Variants in ITGA11 observed in about 807,000 individuals in gnomAD.
The protein encoded by ITGA11 is integrin subunit alpha 11, also known as integrin alpha-11.
Under a neutral mutation model 141.9 loss-of-function variants are expected in ITGA11, and 97 were observed. That is an observed-to-expected ratio of 0.68 (90% confidence interval 0.58 to 0.81). ITGA11 has a LOEUF of 0.81. ITGA11 is among the 30% of genes least tolerant of loss of function. ITGA11 has a pLI of 0.00. For missense variants in ITGA11, 1,387 were observed against 1,559.2 expected (o/e 0.89, Z 1.86); for synonymous variants, 658 against 624.6 (o/e 1.05, Z -0.80).
chr15:68,328,389 G>A lies in ITGA11; in HGVS notation c.1902-127C>T. The A allele has an allele frequency of 1.8e-6, 1 of 562,664 alleles. No individual in the cohort carries two copies. The highest frequency in any genetic ancestry group is 1.8e-5 in the South Asian group (1 of 54,170). 34.9% of individuals were successfully genotyped at this position (562,664 alleles called of 1,614,324 possible). A position where few individuals can be genotyped will look rare whatever the true frequency, so the allele number is the denominator to read the frequency against. The stretch of plus-strand genomic sequence containing the variant: ...AGCCACTGGAGGGGGTGAGGTGGAG[G>A]ATGGAGGGGGCGAGGTGGAGGATGG... On this transcript the variant is annotated intron_variant, in intron 15 of 29. Transcript: ENST00000315757. The surrounding 1 kb of genome is among the most constrained non-coding windows in gnomAD (Gnocchi z 4.8).
In ITGA11 at chr15:68,311,011, G is replaced by A. The variant is rs199548438; in HGVS notation, c.3157C>T (p.Arg1053Cys). 7.0e-5 allele frequency: 112 copies of A among 1,604,244 alleles called. No individual in the cohort carries two copies. The East Asian group carries it at 2.2e-3, about 32-fold the overall frequency. ...YRPTPVEEDL[R>C]RAPQLNHSNS... ...ACACTCACCAGCTGTGGAGCACGAC[G>A]CAAGTCTTCCTCCACTGGGGTGGGC... Residue 1053 changes from arginine to cysteine, a missense_variant, in exon 26 of 30, where the codon CGT (arginine) becomes TGT (cysteine). Transcript: ENST00000315757.
At chr15:68,385,337 G>A (rs2140382642) in intron 2 of ITGA11, among the ~76,000 whole-genome samples, 1 of 152,362 alleles carries the variant, frequency 6.6e-6, no homozygotes, top group Non-Finnish European at 1.5e-5. Context: ...ATGCCTGTGG[G>A]AAAGGACTGC....
At chr15:68,392,506 G>A (rs1896145483) in intron 2 of ITGA11, among the ~76,000 whole-genome samples, 1 of 152,196 alleles carries the variant, frequency 6.6e-6, no homozygotes. Context: ...TAGGATTTGG[G>A]AAGGGCAGCA....
chr15:68,365,021 G>T, intron 3 of ITGA11: 1 of 537,020 alleles, frequency 1.9e-6, no homozygotes, highest in Non-Finnish European at 2.4e-6. Context: ...CAAACAACCT[G>T]CCCAAGGTCA....
Position 68,348,919 on chromosome 15 carries a change from G to C in ITGA11, c.1061-19C>G. ...TTGGTGCCTGCAACAGAGTGACAGA[G>C]AGATGTCAGCTCCATGCCCAATCCC... is the stretch of plus-strand genomic sequence containing the variant. On this transcript the variant is annotated intron_variant, in intron 9 of 29. Coordinates refer to ENST00000315757, the MANE Select transcript of ITGA11 (RefSeq NM_001004439.2). 1 of 1,594,478 alleles carries C rather than the reference G, an allele frequency of 6.3e-7. No individual in the cohort carries two copies.
intron 1 of ITGA11, among the ~76,000 whole-genome samples, chr15:68,425,424 C>A (rs1489356122): frequency 6.6e-6 from 1 of 152,212 alleles, no homozygotes; most frequent in Non-Finnish European, 1.5e-5. Flanking sequence ...TCAGAGAACC[C>A]TGTCTACAAA....
chr15:68,352,390 G>C (rs1275102262), intron 7 of ITGA11, among the ~76,000 whole-genome samples: 1 of 151,936 alleles, frequency 6.6e-6, no homozygotes, highest in African/African-American at 2.4e-5. Flanking sequence ...ACGGGGTTTT[G>C]CCATGTTGGC....
At position 68,325,244 on chromosome 15, in the gene ITGA11, G is replaced by C. The variant is rs760900276; in HGVS notation, c.2212-3C>G. The C allele has an allele frequency of 1.9e-6, 3 of 1,601,762 alleles. No individual in the cohort carries two copies. Among genetic ancestry groups the C allele is most frequent in the African/African-American group, 1.3e-5 (1 of 74,678 alleles). On this transcript the variant is annotated splice_region_variant and splice_polypyrimidine_tract_variant and intron_variant, in intron 17 of 29. Transcript: ENST00000315757. This position sits in a 1 kb window ranked among gnomAD's most constrained non-coding sequence, Gnocchi z 5.5. ...GGCTTCACGTAGTCAGCAGTGTCCTGGGGGGTGGAGATGAGGGCAGCGGTG... is the reference window on the plus strand; with the variant it reads ...GGCTTCACGTAGTCAGCAGTGTCCTCGGGGGTGGAGATGAGGGCAGCGGTG...
At position 68,361,608 on chromosome 15, in the gene ITGA11, C is replaced by T. The variant is rs148886354; in HGVS notation, c.454G>A (p.Val152Met). The T allele has an allele frequency of 1.7e-3, 2,805 of 1,606,332 alleles. 9 individuals carry two copies. Among genetic ancestry groups the T allele is most frequent in the Middle Eastern group, 3.3e-3 (20 of 6,050 alleles). ...CACTTACTTTGGAGAGCTGGGGCCA[C>T]GGTCTTGGAGAACCTGAAGTTGGAG... ...VNSNFRFSKT[V>M]APALQRCQTY... The change falls in exon 5 of 30, where the codon GTG becomes ATG. Residue 152 changes from valine to methionine, a missense_variant. Coordinates refer to ENST00000315757, the MANE Select transcript of ITGA11 (RefSeq NM_001004439.2).
chr15:68,349,398 A>G (rs187387730), intron 9 of ITGA11, among the ~76,000 whole-genome samples: 1 of 152,226 alleles, frequency 6.6e-6, no homozygotes, highest in Admixed American at 6.5e-5. Context: ...AAGAAATCCC[A>G]TGAGTGCTGA....
intron 5 of ITGA11, among the ~76,000 whole-genome samples, chr15:68,361,033 T>A (rs182820242): frequency 2.0e-5 from 3 of 152,190 alleles, no homozygotes; most frequent in Admixed American, 1.3e-4. Context: ...GAGCAGTAAT[T>A]CCCCAGGTTT....
intron 2 of ITGA11, among the ~76,000 whole-genome samples, chr15:68,391,319 C>T (rs1330909321): frequency 6.6e-6 from 1 of 152,220 alleles, no homozygotes; most frequent in African/African-American, 2.4e-5. Flanking sequence ...CCATTTCTCT[C>T]CCACAATGCT....
At chr15:68,372,711 C>T (rs2140365416) in intron 2 of ITGA11, among the ~76,000 whole-genome samples, 1 of 152,310 alleles carries the variant, frequency 6.6e-6, no homozygotes, top group East Asian at 1.9e-4. Context: ...CTCTGCTGGG[C>T]TCCTTGGCTC....
At chr15:68,340,501 G>A (rs1894532436) in intron 10 of ITGA11, among the ~76,000 whole-genome samples, 1 of 152,172 alleles carries the variant, frequency 6.6e-6, no homozygotes, top group South Asian at 2.1e-4. Context: ...CCAAGCAAGA[G>A]GGGCAGAGAG....
chr15:68,410,447 A>G (rs532747360), intron 1 of ITGA11, among the ~76,000 whole-genome samples: 1 of 152,354 alleles, frequency 6.6e-6, no homozygotes, highest in East Asian at 1.9e-4. Context: ...AGCAAATCAC[A>G]GAGAGGGAGA....
chr15:68,417,641 C>A (rs979127599), intron 1 of ITGA11, among the ~76,000 whole-genome samples: 20 of 152,274 alleles, frequency 1.3e-4, no homozygotes, highest in African/African-American at 4.6e-4. Flanking sequence ...CCAGGGCCCA[C>A]CAGGCCCTGC....
chr15:68,358,117 C>A (rs184086433), intron 6 of ITGA11, among the ~76,000 whole-genome samples: 1 of 152,184 alleles, frequency 6.6e-6, no homozygotes, highest in African/African-American at 2.4e-5. Context: ...CCTCCATGAC[C>A]TGTATGTCTA....
At chr15:68,316,414 C>G (rs1210944868) in intron 21 of ITGA11, among the ~76,000 whole-genome samples, 1 of 152,244 alleles carries the variant, frequency 6.6e-6, no homozygotes, top group Non-Finnish European at 1.5e-5. Flanking sequence ...CCTGGTCTCA[C>G]CCTCACGAGG....
chr15:68,419,656 G>T (rs935841791), intron 1 of ITGA11, among the ~76,000 whole-genome samples: 17 of 152,266 alleles, frequency 1.1e-4, no homozygotes, highest in Non-Finnish European at 5.9e-5. Flanking sequence ...CAGCATGGAA[G>T]CATAGCCCCT....
Sources: gnomAD v4.1 joint callset for allele counts (sites outside exome capture counted in the v4.1 genomes callset) on GRCh38, gnomAD v4.1.1 for gene constraint, Gnocchi (gnomAD v3.1) non-coding constraint, MANE v1.5 for transcripts, NCBI Gene and HGNC (gene_info 2026-07-23, HGNC 2026-07-21) for gene names.